The following ADGRB1 variants were observed in gnomAD, a reference collection of about 807,000 sequenced individuals.
ADGRB1 encodes the protein brain-specific angiogenesis inhibitor 1.
ADGRB1 carries 36 observed loss-of-function variants against 175.7 expected under a neutral mutation model. The observed-to-expected ratio is 0.20, with a 90% CI of 0.16 to 0.27. The LOEUF (loss-of-function observed/expected upper bound fraction) is 0.27, where lower values mean the gene tolerates loss of function less well. Ranked by LOEUF, ADGRB1 falls within the 10% of genes least tolerant of loss-of-function variation. ADGRB1 has a pLI of 1.00. For synonymous variants in ADGRB1, 1,054 were observed against 979.4 expected (o/e 1.08, Z -1.42); for missense variants, 1,731 against 2,255.3 (o/e 0.77, Z 4.71).
At chr8:142,498,274 G>A (rs1005564445) in intron 17 of ADGRB1, among the ~76,000 whole-genome samples, 2 of 152,220 alleles carry the variant, frequency 1.3e-5, no homozygotes, top group African/African-American at 4.8e-5. Flanking sequence ...GCAGGGCCTG[G>A]ATCTCTGCCA....
At chr8:142,515,389 A>G (rs1255197756) in intron 18 of ADGRB1, among the ~76,000 whole-genome samples, 1 of 152,132 alleles carries the variant, frequency 6.6e-6, no homozygotes, top group Non-Finnish European at 1.5e-5. Context: ...CCTGCTGAGC[A>G]ACGGCCGTCG....
rs371544443 is a variant in ADGRB1 at position 142,481,544 on chromosome 8, C to G, written c.1963C>G (p.Arg655Gly). ...MTREHLAKAQ[R>G]GLPGEGVSEV... The stretch of plus-strand genomic sequence containing the variant: ...CCGGGAGCACCTGGCCAAGGCTCAG[C>G]GAGGGCTGCCTGGGGAGGGGGTCTC... Residue 655 changes from arginine to glycine, a missense_variant, in exon 11 of 31, where the codon CGA becomes GGA. Arg to Gly is a moderately radical substitution (Grantham distance 125, BLOSUM62 -2). Around this residue, in one of 8 missense-constraint regions of ADGRB1, gnomAD observed 388 missense variants for 630.9 expected, o/e 0.61. Coordinates refer to ENST00000517894, the MANE Select transcript of ADGRB1 (RefSeq NM_001702.3). 26 of 1,589,714 alleles carry G rather than the reference C, an allele frequency of 1.6e-5. No homozygotes were observed. The highest frequency in any genetic ancestry group is 2.2e-5 in the Non-Finnish European group (26 of 1,167,568).
chr8:142,524,928 C>T (rs1194951965), intron 23 of ADGRB1, among the ~76,000 whole-genome samples: 1 of 152,068 alleles, frequency 6.6e-6, no homozygotes, highest in Non-Finnish European at 1.5e-5. Context: ...GCTCTGAGCC[C>T]ACTCAGCCAG....
intron 16 of ADGRB1, among the ~76,000 whole-genome samples, chr8:142,489,892 G>T (rs1454887288): frequency 6.6e-6 from 1 of 152,186 alleles, no homozygotes; most frequent in Non-Finnish European, 1.5e-5. Context: ...ACTCCCTGGC[G>T]GGAAGCCCCA....
Position 142,543,731 on chromosome 8 carries a change from G to T in ADGRB1, c.4557+23G>T. 6 of 1,535,680 alleles carry T rather than the reference G, an allele frequency of 3.9e-6. No homozygotes were observed. The South Asian group carries it at 6.0e-5, about 15-fold the overall frequency. On this transcript the variant is annotated intron_variant, in intron 30 of 30. Transcript: ENST00000517894. This position sits in a 1 kb window ranked among gnomAD's most constrained non-coding sequence, Gnocchi z 4.4. ...AAGGTCTGGAGGGCAGGGAGGGGCG[G>T]GGTGGGGAGAGCCCTTAGGTCAGGC... is the stretch of plus-strand genomic sequence containing the variant.
At position 142,513,048 on chromosome 8, in the gene ADGRB1, G is replaced by A. The variant is rs1476768271; in HGVS notation, c.2817+1975G>A. On this transcript the variant is annotated intron_variant, in intron 18 of 30. Coordinates refer to ENST00000517894, the MANE Select transcript of ADGRB1 (RefSeq NM_001702.3). Reference sequence around the variant, plus strand: ...CGGTTCGTGGCTGCTGTCGGGGGGCGCTTCTAGTGTTAGCCCAGCCCACGC... The same window carrying A: ...CGGTTCGTGGCTGCTGTCGGGGGGCACTTCTAGTGTTAGCCCAGCCCACGC... Among the ~76,000 whole-genome samples, 9 of 152,186 alleles carry A rather than the reference G, an allele frequency of 5.9e-5. No individual in the cohort carries two copies. In the East Asian group the frequency reaches 1.2e-3, roughly 20 times the overall value.
chr8:142,534,321 C>T (rs1014890251), intron 25 of ADGRB1, among the ~76,000 whole-genome samples: 1 of 152,224 alleles, frequency 6.6e-6, no homozygotes, highest in African/African-American at 2.4e-5. Flanking sequence ...ATTTCCATCC[C>T]AGCCTGGAAG....
chr8:142,538,851 G>A (rs1845095272), intron 26 of ADGRB1, among the ~76,000 whole-genome samples: 1 of 152,162 alleles, frequency 6.6e-6, no homozygotes, highest in African/African-American at 2.4e-5. Context: ...GGACCAAGGG[G>A]GAGAGTTCTG....
At chr8:142,522,739 A>C (rs914329581) in intron 22 of ADGRB1, 29 bp downstream of exon 22, 22 of 1,462,764 alleles carry the variant, frequency 1.5e-5, no homozygotes, top group Non-Finnish European at 1.9e-5. Flanking sequence ...GGTGTGGTGG[A>C]TGGCCACATG....
rs757781892 is a variant in ADGRB1, at chr8:142,481,294, C to T, written c.1869C>T (p.Ile623=). 8.1e-6 allele frequency: 13 copies of T among 1,613,832 alleles called. No homozygotes were observed. Among genetic ancestry groups the T allele is most frequent in the Middle Eastern group, 1.6e-4 (1 of 6,062 alleles). ...GGTGTGAGCTGGACGAGGAAGGCAT[C>T]GCCTACTGGGAGCCCCCCACCTACA... ...LRRCELDEEG[I]AYWEPPTYIR... The change falls in exon 10 of 31, where the codon ATC becomes ATT. Residue 623 remains isoleucine (I), a synonymous_variant. Transcript: ENST00000517894.
intron 18 of ADGRB1, among the ~76,000 whole-genome samples, chr8:142,515,286 C>T (rs955621617): frequency 3.3e-5 from 5 of 152,228 alleles, no homozygotes; most frequent in Non-Finnish European, 7.4e-5. Context: ...CCTGGCTCTG[C>T]CTCCCCTCGG....
intron 26 of ADGRB1, among the ~76,000 whole-genome samples, chr8:142,539,160 T>C (rs1458025289): frequency 1.3e-5 from 2 of 151,530 alleles, no homozygotes; most frequent in South Asian, 2.1e-4. Flanking sequence ...ACGCATACAC[T>C]CACACACGCA....
chr8:142,511,509 C>T lies in ADGRB1; in HGVS notation c.2817+436C>T, dbSNP rs974513367. 6.6e-6 allele frequency among the ~76,000 whole-genome samples: 1 copy of T among 152,162 alleles called. No homozygotes were observed. The highest frequency in any genetic ancestry group is 1.5e-5 in the Non-Finnish European group (1 of 68,018). ...GGAGGAGCTGCCGCCTTGGCAGAGC[C>T]CTTCGACCCACCCCAAGTAGAGCCT... On this transcript the variant is annotated intron_variant, in intron 18 of 30. Coordinates refer to ENST00000517894, the MANE Select transcript of ADGRB1 (RefSeq NM_001702.3). This position sits in a 1 kb window ranked among gnomAD's most constrained non-coding sequence, Gnocchi z 4.5.
At chr8:142,483,884 C>G (rs1420016060) in intron 11 of ADGRB1, 93 bp from the exon 12 acceptor site, 2 of 1,376,286 alleles carry the variant, frequency 1.5e-6, no homozygotes, top group Non-Finnish European at 2.1e-6. Flanking sequence ...CAGCCCTGAC[C>G]CTGGTCACAC....
At chr8:142,478,864 G>A (rs1450904468) in intron 7 of ADGRB1, among the ~76,000 whole-genome samples, 2 of 148,828 alleles carry the variant, frequency 1.3e-5, no homozygotes, top group Non-Finnish European at 3.0e-5. Flanking sequence ...TGGCCATGGA[G>A]TAGTGGGGTG....
chr8:142,456,749 C>G (rs13251081), intron 1 of ADGRB1, among the ~76,000 whole-genome samples: 1 of 152,172 alleles, frequency 6.6e-6, no homozygotes, highest in Non-Finnish European at 1.5e-5. Context: ...ACCATAACAC[C>G]GCGGCCTGCC....
chr8:142,517,934 A>G (rs1399408341), intron 18 of ADGRB1, among the ~76,000 whole-genome samples: 1 of 150,652 alleles, frequency 6.6e-6, no homozygotes, highest in Non-Finnish European at 1.5e-5. Flanking sequence ...CACAGAGCAC[A>G]GCCCCGAAAG....
Position 142,543,597 on chromosome 8 carries a change from G to A in ADGRB1, c.4450-4G>A. On this transcript the variant is annotated splice_polypyrimidine_tract_variant and splice_region_variant and intron_variant, in intron 29 of 30. Transcript: ENST00000517894. This position sits in a 1 kb window ranked among gnomAD's most constrained non-coding sequence, Gnocchi z 4.4. ...AGGACTCACTGCCCAGACCCCGCCT[G>A]CAGAAGATCATGCACACCCGGAAGC... 1 of 1,571,172 alleles carries A rather than the reference G, an allele frequency of 6.4e-7. No homozygotes were observed. Among genetic ancestry groups the A allele is most frequent in the Non-Finnish European group, 8.6e-7 (1 of 1,158,306 alleles).
rs561192895 is a variant in ADGRB1 at position 142,537,149 on chromosome 8, G to A, written c.3666+67G>A. The A allele has an allele frequency of 2.0e-4, 253 of 1,263,234 alleles. 2 individuals carry two copies. The African/African-American group carries it at 3.4e-3, about 17-fold the overall frequency. The allele number at this position is 1,263,234 out of a possible 1,614,324, so 78.3% of individuals were successfully genotyped here. ...TCGTACCCCCGCCAAGTGCCTCCAG[G>A]CCCTCACCGTGCCCCAAGCTCCCCT... On this transcript the variant is annotated intron_variant, in intron 26 of 30. Coordinates refer to ENST00000517894, the MANE Select transcript of ADGRB1 (RefSeq NM_001702.3). This position sits in a 1 kb window ranked among gnomAD's most constrained non-coding sequence, Gnocchi z 4.6.
Sources: allele counts gnomAD v4.1 joint callset (sites outside exome capture counted in the v4.1 genomes callset), GRCh38; gene constraint gnomAD v4.1.1; regional missense constraint gnomAD v4.1.1; non-coding constraint Gnocchi (gnomAD v3.1); transcripts MANE v1.5; gene names NCBI Gene and HGNC (gene_info 2026-07-23, HGNC 2026-07-21).